The following FAM53B variants were observed in gnomAD, a reference collection of about 807,000 sequenced individuals.
The protein encoded by FAM53B is family with sequence similarity 53 member B, also known as protein FAM53B.
In FAM53B, 12 loss-of-function variants were observed where a neutral mutation model predicts 32.7. The observed-to-expected ratio is 0.37, with a 90% confidence interval of 0.24 to 0.59. FAM53B has a LOEUF of 0.59. FAM53B is among the 20% of genes least tolerant of loss of function. FAM53B has a pLI of 0.72. For synonymous variants in FAM53B, 234 were observed against 228.7 expected, an observed-to-expected ratio of 1.02 and a Z score of -0.21; for missense variants, 477 against 577.7, an observed-to-expected ratio of 0.83 and a Z score of 1.79.
At chr10:124,625,460 G>A (rs974206544) in intron 4 of FAM53B, among the ~76,000 whole-genome samples, 1 of 152,166 alleles carries the variant, frequency 6.6e-6, no homozygotes, top group Non-Finnish European at 1.5e-5. Flanking sequence ...GCCCGGTGGT[G>A]TGCACACAGC....
At chr10:124,704,043 G>C (rs1228316992) in intron 2 of FAM53B, 1 of 152,528 alleles carries the variant, frequency 6.6e-6, no homozygotes, top group Non-Finnish European at 1.5e-5. Flanking sequence ...GTCCCACCCT[G>C]AGAAGGGACC....
At chr10:124,706,552 G>C in intron 2 of FAM53B, 84 bp downstream of exon 2, 1 of 1,559,066 alleles carries the variant, frequency 6.4e-7, no homozygotes, top group Non-Finnish European at 8.8e-7. Context: ...GATTTGCTAA[G>C]CTTAGGTGCT....
At chr10:124,671,015 G>T in intron 4 of FAM53B, 3 of 402,878 alleles carry the variant, frequency 7.4e-6, no homozygotes, top group South Asian at 5.1e-5. Flanking sequence ...CGCGCTAGAA[G>T]AGATCTCCCG....
intron 4 of FAM53B, among the ~76,000 whole-genome samples, chr10:124,646,075 G>A (rs1019540606): frequency 6.6e-6 from 1 of 152,198 alleles, no homozygotes; most frequent in African/African-American, 2.4e-5. Context: ...CCAGTCAGTG[G>A]TTCTCGACCA....
At chr10:124,699,009 C>T (rs766690799) in intron 2 of FAM53B, among the ~76,000 whole-genome samples, 13 of 152,202 alleles carry the variant, frequency 8.5e-5, no homozygotes, top group Non-Finnish European at 1.8e-4. Context: ...GGCTTTGTGC[C>T]GGGATCTTCA....
intron 4 of FAM53B, among the ~76,000 whole-genome samples, chr10:124,678,576 ACT>A (rs1949750564): frequency 6.6e-6 from 1 of 151,912 alleles, no homozygotes; most frequent in South Asian, 2.1e-4. Flanking sequence ...GCCCAGAAAA[ACT>A]CTGATGGGCA....
chr10:124,716,043 T>C (rs1950036808), intron 1 of FAM53B, among the ~76,000 whole-genome samples: 1 of 152,240 alleles, frequency 6.6e-6, no homozygotes, highest in African/African-American at 2.4e-5. Flanking sequence ...ACTGGGCTGG[T>C]GGACATTCAG....
chr10:124,632,556 G>A (rs535188766), intron 4 of FAM53B, among the ~76,000 whole-genome samples: 6 of 152,350 alleles, frequency 3.9e-5, no homozygotes, highest in Admixed American at 3.9e-4. Context: ...TCTCAGAGGG[G>A]CTGGTGGGCA....
At chr10:124,702,689 G>A (rs1410610265) in intron 2 of FAM53B, among the ~76,000 whole-genome samples, 1 of 152,184 alleles carries the variant, frequency 6.6e-6, no homozygotes, top group Non-Finnish European at 1.5e-5. Flanking sequence ...CCCTCAGCAG[G>A]TGGCATGAGG....
intron 1 of FAM53B, among the ~76,000 whole-genome samples, chr10:124,724,651 A>G (rs1950091136): frequency 6.6e-6 from 1 of 152,174 alleles, no homozygotes; most frequent in Non-Finnish European, 1.5e-5. Context: ...TCTTTTGTAA[A>G]TGGCAGCATA....
rs1387189558 is a variant in FAM53B, at chr10:124,621,880, T to C, written c.*1362A>G. ...GCCACTTGCTCCTAAGCCAGCCCAA[T>C]TGCTATTGTTTGCAGAAGACGCCAC... On this transcript the variant is annotated 3_prime_UTR_variant, in exon 5 of 5. Transcript: ENST00000337318. 2.6e-5 allele frequency: 4 copies of C among 152,364 alleles called. No individual in the cohort carries two copies. The highest frequency in any genetic ancestry group is 9.7e-5 in the African/African-American group (4 of 41,428). 9.4% of individuals were successfully genotyped at this position (152,364 alleles called of 1,614,324 possible). A position where few individuals can be genotyped will look rare whatever the true frequency, so the allele number is the denominator to read the frequency against.
Position 124,682,642 on chromosome 10 carries a change from C to T in FAM53B, c.134-263G>A, listed in dbSNP as rs770672425. Among the ~76,000 whole-genome samples the T allele has an allele frequency of 2.0e-5, 3 of 152,192 alleles. No individual in the cohort carries two copies. Among genetic ancestry groups the T allele is most frequent in the Non-Finnish European group, 4.4e-5 (3 of 68,022 alleles). ...CCCCTGGGACTCCTGATATGGTTTT[C>T]TTTCCAGTGTACCACACTGCCTCCC... On this transcript the variant is annotated intron_variant, in intron 3 of 4. Transcript: ENST00000337318. This position sits in a 1 kb window ranked among gnomAD's most constrained non-coding sequence, Gnocchi z 5.2.
intron 4 of FAM53B, among the ~76,000 whole-genome samples, chr10:124,658,892 C>T (rs766156253): frequency 7.9e-5 from 12 of 152,360 alleles, no homozygotes; most frequent in Non-Finnish European, 1.5e-4. Context: ...CTGCGCTGCA[C>T]GGGCTCAGCA....
chr10:124,666,393 T>C (rs1949673001), intron 4 of FAM53B, among the ~76,000 whole-genome samples: 1 of 152,064 alleles, frequency 6.6e-6, no homozygotes, highest in Admixed American at 6.5e-5. Context: ...ACTTCCAGAG[T>C]GCTGGTAGAT....
At chr10:124,714,265 T>C (rs1031984981) in intron 1 of FAM53B, 3 of 152,068 alleles carry the variant, frequency 2.0e-5, no homozygotes. Flanking sequence ...ATCCAGGGCC[T>C]CTACTTTCCC....
intron 3 of FAM53B, among the ~76,000 whole-genome samples, chr10:124,693,296 C>T (rs896426407): frequency 1.3e-5 from 2 of 152,036 alleles, no homozygotes; most frequent in Admixed American, 1.3e-4. Flanking sequence ...ATGGTGAAAC[C>T]CCGTCTCTAC....
chr10:124,690,355 C>T (rs1002695719), intron 3 of FAM53B, among the ~76,000 whole-genome samples: 5 of 152,242 alleles, frequency 3.3e-5, no homozygotes, highest in African/African-American at 9.6e-5. Flanking sequence ...CCCATGGACA[C>T]ACATCCAGCA....
chr10:124,651,503 T>C lies in FAM53B; in HGVS notation c.907-27899A>G, dbSNP rs761698360. Among the ~76,000 whole-genome samples the C allele has an allele frequency of 5.9e-5, 9 of 152,170 alleles. No individual in the cohort carries two copies. Among genetic ancestry groups the C allele is most frequent in the Admixed American group, 1.3e-4 (2 of 15,286 alleles). On this transcript the variant is annotated intron_variant, in intron 4 of 4. Transcript: ENST00000337318. The surrounding 1 kb of genome is among the most constrained non-coding windows in gnomAD (Gnocchi z 5.2). ...CCTCACTGCTGAACTGCAGGCACTG[T>C]AGCAGGGAGCCCAGCCGCTGGACGG...
intron 4 of FAM53B, among the ~76,000 whole-genome samples, chr10:124,680,090 A>T (rs183268436): frequency 4.1e-4 from 62 of 152,314 alleles, no homozygotes; most frequent in Middle Eastern, 3.4e-3. Context: ...GGAGAAGGGA[A>T]ATTCCTCTTG....
Sources: allele counts gnomAD v4.1 joint callset (sites outside exome capture counted in the v4.1 genomes callset), GRCh38; gene constraint gnomAD v4.1.1; non-coding constraint Gnocchi (gnomAD v3.1); transcripts MANE v1.5; gene names NCBI Gene and HGNC (gene_info 2026-07-23, HGNC 2026-07-21).